The following ALK variants were observed in gnomAD, a reference collection of about 807,000 sequenced individuals.
The protein encoded by ALK is ALK receptor tyrosine kinase.
Under a neutral mutation model 163.1 loss-of-function variants are expected in ALK, and 74 were observed. The ratio of observed to expected loss-of-function variants is 0.45; its 90% CI spans 0.38 to 0.55. ALK has a LOEUF of 0.55. ALK is among the 20% of genes least tolerant of loss of function. ALK has a pLI of 0.00. For synonymous variants in ALK, 960 were observed against 843.2 expected, an observed-to-expected ratio of 1.14 and a Z score of -2.40; for missense variants, 2,063 against 2,105.3, an observed-to-expected ratio of 0.98 and a Z score of 0.39.
intron 5 of ALK, among the ~76,000 whole-genome samples, chr2:29,357,462 A>G (rs1668278996): frequency 6.6e-6 from 1 of 152,088 alleles, no homozygotes; most frequent in African/African-American, 2.4e-5. Flanking sequence ...ACATCATACC[A>G]CCGCTTCTAG....
In ALK at chr2:29,383,768, C is replaced by A. The variant is rs775917326; in HGVS notation, c.1246G>T (p.Ala416Ser). 6.2e-7 allele frequency: 1 copy of A among 1,614,170 alleles called. No individual in the cohort carries two copies. The highest frequency in any genetic ancestry group is 1.3e-5 in the African/African-American group (1 of 75,058). Reference protein sequence around the residue: ...YISSGNRSLSAVDFFALKNCS... With the variant: ...YISSGNRSLSSVDFFALKNCS... ...TTCTTCAGGGCAAAGAAGTCCACTG[C>A]AGACAAGCTGCGGTTTCCACTGGAG... The change falls in exon 5 of 29, where the codon GCA (alanine) becomes TCA (serine). Residue 416 changes from alanine to serine, a missense_variant. Ala to Ser is a moderately conservative substitution (Grantham distance 99). This residue lies in a region of ALK where 987 missense variants were observed against 939.5 expected (regional missense o/e 1.05). Coordinates refer to ENST00000389048, the MANE Select transcript of ALK (RefSeq NM_004304.5).
intron 2 of ALK, among the ~76,000 whole-genome samples, chr2:29,712,409 C>T (rs1451455042): frequency 2.6e-5 from 4 of 152,232 alleles, no homozygotes; most frequent in Non-Finnish European, 5.9e-5. Flanking sequence ...GGTAAGGAAG[C>T]TTTCAGCCCT....
chr2:29,614,743 G>A (rs184745235), intron 3 of ALK, among the ~76,000 whole-genome samples: 1 of 152,200 alleles, frequency 6.6e-6, no homozygotes, highest in East Asian at 1.9e-4. Flanking sequence ...TGGCCTGCAT[G>A]GCTCCTGTTG....
chr2:29,678,851 A>G (rs1019391057), intron 3 of ALK, among the ~76,000 whole-genome samples: 1 of 151,696 alleles, frequency 6.6e-6, no homozygotes, highest in Non-Finnish European at 1.5e-5. Flanking sequence ...AAAGGTTTGT[A>G]TTATGTAGTC....
chr2:29,226,179 G>A (rs1470946452), intron 18 of ALK, among the ~76,000 whole-genome samples: 3 of 152,092 alleles, frequency 2.0e-5, no homozygotes. Context: ...CTGAAGAAGA[G>A]TTAAAGGAGG....
At chr2:29,369,017 A>G (rs1668577744) in intron 5 of ALK, among the ~76,000 whole-genome samples, 1 of 152,184 alleles carries the variant, frequency 6.6e-6, no homozygotes, top group South Asian at 2.1e-4. Context: ...TGCTTTGCTG[A>G]CCCCAGAAGA....
At chr2:29,829,839 C>T (rs1665314513) in intron 1 of ALK, among the ~76,000 whole-genome samples, 1 of 152,210 alleles carries the variant, frequency 6.6e-6, no homozygotes, top group African/African-American at 2.4e-5. Context: ...ACCTGTGAAG[C>T]TCTCTCCCTA....
Position 29,222,736 on chromosome 2 carries a change from G to C in ALK, c.3360-129C>G, listed in dbSNP as rs76623673. On this transcript the variant is annotated intron_variant, in intron 20 of 28. Coordinates refer to ENST00000389048, the MANE Select transcript of ALK (RefSeq NM_004304.5). ...GAGGCGGGGGTAACATACACACTCA[G>C]GAGTAATACCCTCAACATGGCTTTG... 3.9e-3 allele frequency: 2,868 copies of C among 743,180 alleles called. 112 individuals are homozygous for C. In the East Asian group the frequency reaches 0.073, roughly 19 times the overall value. 46.0% of individuals were successfully genotyped at this position (743,180 alleles called of 1,614,324 possible).
At chr2:29,338,858 T>C (rs17728037) in intron 5 of ALK, among the ~76,000 whole-genome samples, 7,560 of 152,306 alleles carry the variant, frequency 0.05, 250 homozygotes, top group Middle Eastern at 0.075. Context: ...TCCTTTGGGT[T>C]GCACTGCAGA....
chr2:29,465,398 GA>G (rs1413798775), intron 4 of ALK, among the ~76,000 whole-genome samples: 2 of 152,004 alleles, frequency 1.3e-5, no homozygotes, highest in African/African-American at 4.8e-5. Context: ...TCACTATAAG[GA>G]ACGTTAAAAG....
At chr2:29,868,839 T>C (rs958679731) in intron 1 of ALK, among the ~76,000 whole-genome samples, 2 of 96,326 alleles carry the variant, frequency 2.1e-5, no homozygotes, top group African/African-American at 7.9e-5. Context: ...AGAGTTATTC[T>C]ACATAGCTAC....
chr2:29,876,678 GATGGTGAT>G (rs200899421), intron 1 of ALK, among the ~76,000 whole-genome samples: 109 of 148,964 alleles, frequency 7.3e-4, no homozygotes, highest in South Asian at 2.2e-3. Flanking sequence ...TGATGGTAAC[GATGGTGAT>G]ATGGTGATGG....
chr2:29,261,610 G>C (rs1665091512), intron 11 of ALK, among the ~76,000 whole-genome samples: 2 of 152,132 alleles, frequency 1.3e-5, no homozygotes, highest in African/African-American at 4.8e-5. Flanking sequence ...TCTAGAACCT[G>C]CCGTTTCATT....
rs1676366536 is a variant in ALK at position 29,631,317 on chromosome 2, C to T, written c.952+63533G>A. Among the ~76,000 whole-genome samples the T allele has an allele frequency of 2.6e-5, 4 of 152,350 alleles. No individual in the cohort carries two copies. In the South Asian group the frequency reaches 8.3e-4, roughly 32 times the overall value. On this transcript the variant is annotated intron_variant, in intron 3 of 28. Coordinates refer to ENST00000389048, the MANE Select transcript of ALK (RefSeq NM_004304.5). ...AAAGGAAATCCAGATTTTATCATCA[C>T]ATCAGATTAGAGCTGTAAGCTGTTT...
chr2:29,669,268 T>G (rs1001682550), intron 3 of ALK, among the ~76,000 whole-genome samples: 2 of 152,122 alleles, frequency 1.3e-5, no homozygotes, highest in African/African-American at 4.8e-5. Context: ...CTTTATATAC[T>G]TGGGAGCTCT....
chr2:29,650,053 C>T (rs59414152), intron 3 of ALK, among the ~76,000 whole-genome samples: 1 of 152,118 alleles, frequency 6.6e-6, no homozygotes, highest in African/African-American at 2.4e-5. Context: ...CAACCCATGC[C>T]TTCCAGAGTT....
At chr2:29,364,465 A>G (rs1668456793) in intron 5 of ALK, among the ~76,000 whole-genome samples, 1 of 152,210 alleles carries the variant, frequency 6.6e-6, no homozygotes, top group Non-Finnish European at 1.5e-5. Context: ...GCAGAAGGGA[A>G]TGGGGTTCTG....
In ALK at chr2:29,510,669, G is replaced by A. The variant is rs79228922; in HGVS notation, c.1154+21246C>T. Among the ~76,000 whole-genome samples, 13 of 152,294 alleles carry A rather than the reference G, an allele frequency of 8.5e-5. No homozygotes were observed. In the East Asian group the frequency reaches 2.5e-3, roughly 29 times the overall value. ...CAGAAACACCTATACAAAACAATTT[G>A]CAAACAAAGAGAGTATTGGATGTTT... On this transcript the variant is annotated intron_variant, in intron 4 of 28. Coordinates refer to ENST00000389048, the MANE Select transcript of ALK (RefSeq NM_004304.5).
At chr2:29,772,108 A>T (rs980979389) in intron 1 of ALK, among the ~76,000 whole-genome samples, 7 of 152,136 alleles carry the variant, frequency 4.6e-5, no homozygotes, top group Non-Finnish European at 1.0e-4. Context: ...GGGAGCAGGG[A>T]AGAGGGCTCC....
Sources: gnomAD v4.1 joint callset for allele counts (sites outside exome capture counted in the v4.1 genomes callset) on GRCh38, gnomAD v4.1.1 for gene constraint, gnomAD v4.1.1 regional missense constraint, MANE v1.5 for transcripts, NCBI Gene and HGNC (gene_info 2026-07-23, HGNC 2026-07-21) for gene names.